The following FRYL variants were observed in gnomAD, a reference collection of about 807,000 sequenced individuals.
The protein encoded by FRYL is protein furry homolog-like.
Under a neutral mutation model 351.2 loss-of-function variants are expected in FRYL, and 150 were observed. The ratio of observed to expected loss-of-function variants is 0.43; its 90% CI spans 0.37 to 0.49. The LOEUF is 0.49. Ranked by LOEUF, FRYL falls within the 20% of genes least tolerant of loss-of-function variation. The pLI is 0.00. For synonymous variants in FRYL, 1,153 were observed against 1,257.1 expected, an observed-to-expected ratio of 0.92 and a Z score of 1.75; for missense variants, 3,036 against 3,619.3, an observed-to-expected ratio of 0.84 and a Z score of 4.13.
intron 1 of FRYL, among the ~76,000 whole-genome samples, chr4:48,756,186 T>C (rs899602731): frequency 1.4e-4 from 21 of 150,784 alleles, no homozygotes; most frequent in African/African-American, 4.9e-4. Flanking sequence ...TGAGCCAAGA[T>C]TGCACCACCA....
chr4:48,500,731 T>C (rs1445700861), intron 62 of FRYL, among the ~76,000 whole-genome samples: 3 of 152,346 alleles, frequency 2.0e-5, no homozygotes, highest in East Asian at 3.9e-4. Context: ...AGGCTATGTA[T>C]TGATTTTCAA....
At chr4:48,611,353 T>C (rs532973690) in intron 7 of FRYL, among the ~76,000 whole-genome samples, 3 of 152,206 alleles carry the variant, frequency 2.0e-5, no homozygotes, top group Admixed American at 2.0e-4. Flanking sequence ...TTTTTGTGTG[T>C]ACCTACCAGA....
At chr4:48,632,100 A>ATATATATATATATATATG (rs1753243031) in intron 4 of FRYL, among the ~76,000 whole-genome samples, 12 of 29,286 alleles carry the variant, frequency 4.1e-4, no homozygotes, top group Non-Finnish European at 5.9e-4. Flanking sequence ...AAATATATAT[A>ATATATATATATATATATG]TATATATATA....
Position 48,544,659 on chromosome 4 carries a change from T to C in FRYL, c.5401+124A>G, listed in dbSNP as rs796467080. 1.7e-5 allele frequency: 12 copies of C among 698,842 alleles called. No individual in the cohort carries two copies. In the African/African-American group the frequency reaches 2.0e-4, roughly 12 times the overall value. The allele number at this position is 698,842 out of a possible 1,614,324, so 43.3% of individuals were successfully genotyped here. On this transcript the variant is annotated intron_variant, in intron 43 of 63. Coordinates refer to ENST00000358350, the MANE Select transcript of FRYL (RefSeq NM_015030.2). ...GTGAAAACAGATCTGTTATCATTAATAAATTAAAAGTCTAAAACTTTTAGA... is the reference window on the plus strand; with the variant it reads ...GTGAAAACAGATCTGTTATCATTAACAAATTAAAAGTCTAAAACTTTTAGA...
rs1472809698 is a variant in FRYL at position 48,543,850 on chromosome 4, G to T, written c.5549C>A (p.Ser1850Tyr). The change falls in exon 44 of 64, where the codon TCC becomes TAC. Residue 1850 changes from serine (S) to tyrosine (Y), a missense_variant. Physicochemically the swap from Ser to Tyr is moderately radical, Grantham distance 144 (BLOSUM62 -2). Around this residue, in one of 7 missense-constraint regions of FRYL, gnomAD observed 1,987 missense variants for 2,311.7 expected, o/e 0.86. Transcript: ENST00000358350. ...LTATTLSDVL[S>Y]RLVETVGDPG... is the part of the protein sequence containing the mutation. The stretch of plus-strand genomic sequence containing the variant: ...ATCCCCTACAGTTTCTACAAGTCTG[G>T]AGAGAACATCAGAAAGTGTAGTTGC... 6.2e-7 allele frequency: 1 copy of T among 1,613,792 alleles called. No homozygotes were observed. Among genetic ancestry groups the T allele is most frequent in the African/African-American group, 1.3e-5 (1 of 75,022 alleles).
intron 13 of FRYL, chr4:48,598,817 G>A (rs1485471066): frequency 1.3e-5 from 13 of 981,142 alleles, no homozygotes; most frequent in Non-Finnish European, 1.6e-5. Context: ...TTGTAATGTC[G>A]ACACAACTCA....
At chr4:48,609,215 T>A (rs1315123589) in intron 8 of FRYL, 148 bp from the exon 9 acceptor site, 7 of 611,826 alleles carry the variant, frequency 1.1e-5, no homozygotes, top group Non-Finnish European at 2.0e-5. Flanking sequence ...AATTTTATTC[T>A]ATCTTCAATT....
intron 1 of FRYL, among the ~76,000 whole-genome samples, chr4:48,741,594 C>A (rs1377752895): frequency 1.3e-5 from 2 of 151,946 alleles, no homozygotes; most frequent in Non-Finnish European, 2.9e-5. Flanking sequence ...TCCCAGCTAC[C>A]TGGAAGCAGG....
At chr4:48,586,968 A>G (rs1742226362) in intron 18 of FRYL, among the ~76,000 whole-genome samples, 1 of 152,076 alleles carries the variant, frequency 6.6e-6, no homozygotes. Context: ...GACAACAAGC[A>G]TTACAACCAT....
chr4:48,551,895 CAG>C (rs1578077459), intron 36 of FRYL, among the ~76,000 whole-genome samples: 2 of 152,116 alleles, frequency 1.3e-5, no homozygotes, highest in African/African-American at 4.8e-5. Flanking sequence ...CCTCTGGAAA[CAG>C]GGGTTGAAGG....
At chr4:48,510,277 A>G in intron 58 of FRYL, 120 bp from the exon 59 acceptor site, 1 of 719,452 alleles carries the variant, frequency 1.4e-6, no homozygotes, top group Non-Finnish European at 2.5e-6. Context: ...TATTCTCTTA[A>G]CTCTACTCTG....
At chr4:48,606,709 T>C (rs1746919290) in intron 9 of FRYL, 103 bp from the exon 10 acceptor site, 1 of 813,546 alleles carries the variant, frequency 1.2e-6, no homozygotes, top group African/African-American at 1.7e-5. Context: ...AAATATCATC[T>C]CCTTTCTCTA....
chr4:48,662,907 T>A (rs1218805981), intron 3 of FRYL, among the ~76,000 whole-genome samples: 27 of 151,760 alleles, frequency 1.8e-4, no homozygotes, highest in Admixed American at 1.8e-3. Context: ...AAAGTAAAAA[T>A]GTTTCCAAGA....
chr4:48,511,052 G>C, intron 57 of FRYL, 68 bp from the exon 58 acceptor site: 2 of 998,604 alleles, frequency 2.0e-6, no homozygotes, highest in Non-Finnish European at 3.1e-6. Flanking sequence ...TTTAAGTAAA[G>C]AAGCATAATA....
intron 1 of FRYL, among the ~76,000 whole-genome samples, chr4:48,770,541 G>T (rs1273526869): frequency 6.6e-6 from 1 of 152,024 alleles, no homozygotes; most frequent in Non-Finnish European, 1.5e-5. Context: ...GGATTCAAGT[G>T]ATTCTCCTGC....
intron 2 of FRYL, among the ~76,000 whole-genome samples, chr4:48,708,915 T>TTTTCTTG (rs1553866672): frequency 4.3e-5 from 6 of 138,920 alleles, no homozygotes; most frequent in Admixed American, 7.2e-5. Flanking sequence ...CGTGTGTTTT[T>TTTTCTTG]TTTTTTGTTT....
At chr4:48,689,734 G>A (rs548659612) in intron 2 of FRYL, among the ~76,000 whole-genome samples, 2 of 152,264 alleles carry the variant, frequency 1.3e-5, no homozygotes, top group African/African-American at 2.4e-5. Flanking sequence ...TTTGAAAGAG[G>A]TGGAGATGTC....
intron 59 of FRYL, among the ~76,000 whole-genome samples, chr4:48,508,998 C>T (rs576761765): frequency 2.2e-4 from 33 of 152,040 alleles, no homozygotes; most frequent in Admixed American, 4.6e-4. Context: ...AGGGGTGTGG[C>T]GACAAGAGAA....
chr4:48,590,831 C>A lies in FRYL; in HGVS notation c.1336-1G>T. The A allele has an allele frequency of 6.3e-7, 1 of 1,590,918 alleles. No homozygotes were observed. Among genetic ancestry groups the A allele is most frequent in the Admixed American group, 1.9e-5 (1 of 53,878 alleles). Reference sequence around the variant, plus strand: ...AGACTCTGAGACCTATGTTCATTCTCTTCAAAGGAAAAAAATGCAAAAGGA... The same window carrying A: ...AGACTCTGAGACCTATGTTCATTCTATTCAAAGGAAAAAAATGCAAAAGGA... On this transcript the variant is annotated splice_acceptor_variant, in intron 16 of 63. Transcript: ENST00000358350. LOFTEE classifies it high-confidence loss of function.
Sources: allele counts gnomAD v4.1 joint callset (sites outside exome capture counted in the v4.1 genomes callset), GRCh38; gene constraint gnomAD v4.1.1; regional missense constraint gnomAD v4.1.1; transcripts MANE v1.5; gene names NCBI Gene and HGNC (gene_info 2026-07-23, HGNC 2026-07-21).